PARM1: variants seen among roughly 807,000 people sequenced by gnomAD.
PARM1 encodes WSC4, cell wall integrity and stress response component 4 homolog.
A neutral mutation model predicts 24.6 loss-of-function variants in PARM1; 14 were observed. That is an observed-to-expected ratio of 0.57 (90% CI 0.38 to 0.89). PARM1 has a LOEUF of 0.89. PARM1 is among the 40% of genes least tolerant of loss of function. PARM1 has a pLI of 0.00. For synonymous variants in PARM1, 179 were observed against 156.6 expected (o/e 1.14, Z -1.07); for missense variants, 362 against 380.4 (o/e 0.95, Z 0.40).
At chr4:74,968,053 C>A (rs1041679062) in intron 1 of PARM1, among the ~76,000 whole-genome samples, 3 of 152,184 alleles carry the variant, frequency 2.0e-5, no homozygotes, top group African/African-American at 4.8e-5. Flanking sequence ...AATTCTAGCA[C>A]CATCTCTTAG....
At chr4:74,965,619 A>G (rs1721886553) in intron 1 of PARM1, among the ~76,000 whole-genome samples, 1 of 152,182 alleles carries the variant, frequency 6.6e-6, no homozygotes, top group Non-Finnish European at 1.5e-5. Flanking sequence ...TGTGAGGTTA[A>G]TGAGCAAAAG....
chr4:75,027,853 A>C (rs1029270379), intron 2 of PARM1, among the ~76,000 whole-genome samples: 3 of 152,246 alleles, frequency 2.0e-5, no homozygotes, highest in African/African-American at 7.2e-5. Flanking sequence ...CTGGGCAGCT[A>C]ACAGAAAGCA....
chr4:74,969,657 G>A (rs776564736), intron 1 of PARM1: 1 of 152,212 alleles, frequency 6.6e-6, no homozygotes, highest in Admixed American at 6.5e-5. Flanking sequence ...TCAGGCAGGG[G>A]AGGCAGAGAA....
chr4:74,941,245 T>C (rs1269606529), intron 1 of PARM1, among the ~76,000 whole-genome samples: 2 of 152,220 alleles, frequency 1.3e-5, no homozygotes, highest in African/African-American at 4.8e-5. Context: ...TTTGGAGACC[T>C]ATTCAGATAG....
chr4:74,934,721 G>T (rs1005709788), intron 1 of PARM1, among the ~76,000 whole-genome samples: 6 of 152,150 alleles, frequency 3.9e-5, no homozygotes, highest in Non-Finnish European at 8.8e-5. Flanking sequence ...GGCTGGCTGC[G>T]GGTGGTAATT....
intron 1 of PARM1, among the ~76,000 whole-genome samples, chr4:74,958,917 A>G (rs930506463): frequency 2.6e-5 from 4 of 152,252 alleles, no homozygotes; most frequent in Non-Finnish European, 5.9e-5. Context: ...CAATAGCACT[A>G]CATAAGAACA....
At chr4:74,997,400 G>A (rs1383195873) in intron 1 of PARM1, among the ~76,000 whole-genome samples, 1 of 152,190 alleles carries the variant, frequency 6.6e-6, no homozygotes, top group East Asian at 1.9e-4. Flanking sequence ...TGAAAATGAA[G>A]TGCTTTCCTT....
intron 1 of PARM1, among the ~76,000 whole-genome samples, chr4:74,952,730 G>C (rs1432937677): frequency 6.6e-6 from 1 of 152,202 alleles, no homozygotes; most frequent in Admixed American, 6.5e-5. Context: ...TAAGAAGTCA[G>C]ATGAATCTTT....
At chr4:75,036,310 G>A (rs998010588) in intron 3 of PARM1, among the ~76,000 whole-genome samples, 6 of 152,158 alleles carry the variant, frequency 3.9e-5, no homozygotes, top group Non-Finnish European at 8.8e-5. Flanking sequence ...AACCCACACT[G>A]GCTATAGGCA....
At chr4:74,979,830 G>A (rs190797934) in intron 1 of PARM1, among the ~76,000 whole-genome samples, 12 of 152,198 alleles carry the variant, frequency 7.9e-5, no homozygotes, top group African/African-American at 2.9e-4. Flanking sequence ...ATCGATAAAC[G>A]TTAAGTCATC....
chr4:74,985,398 G>T (rs1313294381), intron 1 of PARM1, among the ~76,000 whole-genome samples: 1 of 152,194 alleles, frequency 6.6e-6, no homozygotes, highest in African/African-American at 2.4e-5. Flanking sequence ...GCAAGGATGG[G>T]TGCAGATGCT....
At chr4:74,947,906 G>C (rs1721439947) in intron 1 of PARM1, among the ~76,000 whole-genome samples, 1 of 152,170 alleles carries the variant, frequency 6.6e-6, no homozygotes. Context: ...ATCTGAACTA[G>C]AGTTAGAACA....
chr4:75,016,877 A>T (rs949865391), intron 2 of PARM1, among the ~76,000 whole-genome samples: 4 of 152,108 alleles, frequency 2.6e-5, no homozygotes, highest in Non-Finnish European at 4.4e-5. Flanking sequence ...ATTTTGCTTC[A>T]CTGAACTATA....
intron 1 of PARM1, among the ~76,000 whole-genome samples, chr4:74,959,720 C>T (rs1169887450): frequency 6.6e-6 from 1 of 152,128 alleles, no homozygotes; most frequent in African/African-American, 2.4e-5. Flanking sequence ...AAGTATTAAA[C>T]TTGTATCAAC....
chr4:74,948,131 T>C (rs2109983449), intron 1 of PARM1, among the ~76,000 whole-genome samples: 1 of 152,330 alleles, frequency 6.6e-6, no homozygotes, highest in Admixed American at 6.5e-5. Context: ...CCTGTGTTCT[T>C]CACATGTCAG....
chr4:74,995,992 G>A (rs994843149), intron 1 of PARM1, among the ~76,000 whole-genome samples: 1 of 151,954 alleles, frequency 6.6e-6, no homozygotes, highest in East Asian at 1.9e-4. Context: ...CAGACATAAG[G>A]CTCTCATGTC....
At chr4:74,960,325 C>A (rs944270821) in intron 1 of PARM1, among the ~76,000 whole-genome samples, 3 of 152,150 alleles carry the variant, frequency 2.0e-5, no homozygotes, top group Admixed American at 2.0e-4. Flanking sequence ...TTATTTTTCT[C>A]TTCTTCCCCT....
chr4:74,981,447 A>G (rs1306988859), intron 1 of PARM1, among the ~76,000 whole-genome samples: 1 of 152,234 alleles, frequency 6.6e-6, no homozygotes, highest in African/African-American at 2.4e-5. Flanking sequence ...CACGCCATTC[A>G]GAATGGCACT....
intron 1 of PARM1, among the ~76,000 whole-genome samples, chr4:74,969,074 C>T (rs1325898080): frequency 2.6e-5 from 4 of 152,154 alleles, no homozygotes; most frequent in African/African-American, 9.7e-5. Context: ...GTTTTGGCTG[C>T]TTCTCTCTCC....
Sources: allele counts gnomAD v4.1 joint callset (sites outside exome capture counted in the v4.1 genomes callset), GRCh38; gene constraint gnomAD v4.1.1; transcripts MANE v1.5; gene names NCBI Gene and HGNC (gene_info 2026-07-23, HGNC 2026-07-21).